SINHCAF: variants seen among roughly 807,000 people sequenced by gnomAD.
The protein encoded by SINHCAF is SIN3-HDAC complex-associated factor.
A neutral mutation model predicts 25.8 loss-of-function variants in SINHCAF; 3 were observed. That is an observed-to-expected ratio of 0.12 (90% CI 0.05 to 0.30). The LOEUF is 0.30. SINHCAF is among the 10% of genes least tolerant of loss of function. SINHCAF has a pLI of 1.00. For synonymous variants in SINHCAF, 70 were observed against 85.5 expected (o/e 0.82, Z 1.00); for missense variants, 121 against 262.3 (o/e 0.46, Z 3.72).
In SINHCAF at chr12:31,324,300, C is replaced by T; in HGVS notation, c.-21+1724G>A. 5.8e-6 allele frequency: 1 copy of T among 170,954 alleles called. No homozygotes were observed. The highest frequency in any genetic ancestry group is 1.2e-5 in the Non-Finnish European group (1 of 82,758). The allele number at this position is 170,954 out of a possible 1,614,324, so 10.6% of individuals were successfully genotyped here. On this transcript the variant is annotated intron_variant, in intron 1 of 5. Coordinates refer to ENST00000337682, the MANE Select transcript of SINHCAF (RefSeq NM_001135812.2). The surrounding 1 kb of genome is among the most constrained non-coding windows in gnomAD (Gnocchi z 5.5). ...AACAGTTCGACTTCAAAGGCGAACC[C>T]ACAGACCTCCCAGACACAGGCTCCC...
chr12:31,312,869 C>T (rs1939331079), intron 1 of SINHCAF, among the ~76,000 whole-genome samples: 1 of 152,186 alleles, frequency 6.6e-6, no homozygotes, highest in African/African-American at 2.4e-5. Context: ...CCATTATTAT[C>T]TTCCAGAAGT....
intron 1 of SINHCAF, among the ~76,000 whole-genome samples, chr12:31,323,177 A>G (rs1212576785): frequency 1.3e-5 from 2 of 152,172 alleles, no homozygotes; most frequent in African/African-American, 4.8e-5. Context: ...AGTCACGCAT[A>G]CCTTTCGCCT....
At chr12:31,321,455 C>T (rs914876245) in intron 1 of SINHCAF, among the ~76,000 whole-genome samples, 4 of 152,144 alleles carry the variant, frequency 2.6e-5, no homozygotes, top group South Asian at 2.1e-4. Flanking sequence ...TCCCCAGAAA[C>T]GATAACTGAC....
At chr12:31,314,263 C>CGA (rs1334346795) in intron 1 of SINHCAF, among the ~76,000 whole-genome samples, 1 of 151,972 alleles carries the variant, frequency 6.6e-6, no homozygotes, top group Non-Finnish European at 1.5e-5. Context: ...CAGTGGCTCA[C>CGA]GCCTGTAATC....
intron 1 of SINHCAF, among the ~76,000 whole-genome samples, chr12:31,308,876 C>T (rs1415603122): frequency 1.3e-5 from 2 of 152,100 alleles, no homozygotes; most frequent in South Asian, 4.2e-4. Flanking sequence ...ACCTATAATC[C>T]CAGCACTTTG....
At chr12:31,300,186 T>G (rs1938727871) in intron 1 of SINHCAF, among the ~76,000 whole-genome samples, 1 of 152,172 alleles carries the variant, frequency 6.6e-6, no homozygotes, top group South Asian at 2.1e-4. Context: ...ATTTTTTTGG[T>G]ATTGAGGGGT....
chr12:31,309,351 A>G (rs1565500423), intron 1 of SINHCAF, among the ~76,000 whole-genome samples: 1 of 152,142 alleles, frequency 6.6e-6, no homozygotes, highest in Non-Finnish European at 1.5e-5. Flanking sequence ...CTCTCAAGAT[A>G]ATCTCATGAT....
intron 1 of SINHCAF, chr12:31,323,926 G>A (rs1431494856): frequency 2.2e-6 from 1 of 455,322 alleles, no homozygotes; most frequent in South Asian, 1.6e-5. Context: ...GCTCCTCCCA[G>A]GGCCCTCGGG....
rs1161421477 is a variant in SINHCAF at position 31,325,076 on chromosome 12, C to A, written c.-21+948G>T. ...GTAGAGCACAAAAAGCAGTGCCCTG[C>A]GGAGTTCACTGACTCCCGCGGCGTA... is the stretch of plus-strand genomic sequence containing the variant. On this transcript the variant is annotated intron_variant, in intron 1 of 5. Coordinates refer to ENST00000337682, the MANE Select transcript of SINHCAF (RefSeq NM_001135812.2). The surrounding 1 kb of genome is among the most constrained non-coding windows in gnomAD (Gnocchi z 5.9). 1 of 456,802 alleles carries A rather than the reference C, an allele frequency of 2.2e-6. No homozygotes were observed. Among genetic ancestry groups the A allele is most frequent in the Non-Finnish European group, 4.4e-6 (1 of 226,980 alleles). The allele number at this position is 456,802 out of a possible 1,614,324, so 28.3% of individuals were successfully genotyped here.
At chr12:31,319,640 TCAC>T (rs1939623353) in intron 1 of SINHCAF, among the ~76,000 whole-genome samples, 1 of 152,214 alleles carries the variant, frequency 6.6e-6, no homozygotes, top group African/African-American at 2.4e-5. Flanking sequence ...TTCTTTTTAC[TCAC>T]CAATCTTTCT....
chr12:31,307,814 G>A (rs577886381), intron 1 of SINHCAF, among the ~76,000 whole-genome samples: 50 of 152,256 alleles, frequency 3.3e-4, no homozygotes, highest in Non-Finnish European at 5.4e-4. Context: ...CCATCCTCGA[G>A]TCATTGGATC....
At chr12:31,310,292 T>C (rs1015662427) in intron 1 of SINHCAF, among the ~76,000 whole-genome samples, 6 of 152,124 alleles carry the variant, frequency 3.9e-5, no homozygotes, top group Admixed American at 3.3e-4. Context: ...GGTTTTCAAG[T>C]AAGGTGGAAT....
In SINHCAF at chr12:31,282,634, A is replaced by T. The variant is rs1467227416; in HGVS notation, c.*78T>A. 1.1e-5 allele frequency: 14 copies of T among 1,245,422 alleles called. No individual in the cohort carries two copies. The African/African-American group carries it at 1.3e-4, about 11-fold the overall frequency. 77.1% of individuals were successfully genotyped at this position (1,245,422 alleles called of 1,614,324 possible). On this transcript the variant is annotated 3_prime_UTR_variant, in exon 6 of 6. Coordinates refer to ENST00000337682, the MANE Select transcript of SINHCAF (RefSeq NM_001135812.2). ...CAAAACTCCGTCTCAAAAAAAAAAG[A>T]GGGTCAGTTTGTAGCTTTGTGGTTT...
Position 31,293,907 on chromosome 12 carries a change from T to G in SINHCAF, c.253A>C (p.Ser85Arg). 1 of 1,613,020 alleles carries G rather than the reference T, an allele frequency of 6.2e-7. No individual in the cohort carries two copies. The highest frequency in any genetic ancestry group is 8.5e-7 in the Non-Finnish European group (1 of 1,179,402). The change falls in exon 4 of 6, where the codon AGT (serine) becomes CGT (arginine). Residue 85 changes from serine to arginine, a missense_variant. Coordinates refer to ENST00000337682, the MANE Select transcript of SINHCAF (RefSeq NM_001135812.2). The stretch of plus-strand genomic sequence containing the variant: ...TTTGGTTTCAATGTAGTCTTTAGAC[T>G]GGGTCCAGCCCTTGCATCTACCACC... ...NHVVDARAGP[S>R]LKTTLKPKKV...
At chr12:31,308,499 T>C (rs543187977) in intron 1 of SINHCAF, among the ~76,000 whole-genome samples, 27 of 152,204 alleles carry the variant, frequency 1.8e-4, no homozygotes, top group Non-Finnish European at 3.4e-4. Flanking sequence ...ATGTGCCACA[T>C]GTTTGACTTG....
chr12:31,313,854 T>C (rs1175461489), intron 1 of SINHCAF, among the ~76,000 whole-genome samples: 1 of 151,852 alleles, frequency 6.6e-6, no homozygotes, highest in Non-Finnish European at 1.5e-5. Flanking sequence ...TTCACCATAA[T>C]GACCAGGCTA....
intron 1 of SINHCAF, among the ~76,000 whole-genome samples, chr12:31,311,429 G>T (rs530235385): frequency 8.2e-4 from 125 of 152,302 alleles, no homozygotes; most frequent in Non-Finnish European, 1.3e-3. Context: ...AAGCAAATCC[G>T]ATCTTCATAA....
intron 1 of SINHCAF, among the ~76,000 whole-genome samples, chr12:31,313,217 C>CAG (rs149752594): frequency 0.055 from 8,322 of 151,918 alleles, 644 homozygotes; most frequent in African/African-American, 0.17. Context: ...TTAGTAGAGA[C>CAG]GGTTTCACCA....
chr12:31,293,898 T>A lies in SINHCAF; in HGVS notation c.262A>T (p.Thr88Ser). The A allele has an allele frequency of 6.2e-7, 1 of 1,613,162 alleles. No homozygotes were observed. Among genetic ancestry groups the A allele is most frequent in the Non-Finnish European group, 8.5e-7 (1 of 1,179,394 alleles). The change falls in exon 4 of 6, where the codon ACT (threonine) becomes TCT (serine). Residue 88 changes from threonine to serine, a missense_variant. Physicochemically the swap from Thr to Ser is moderately conservative, Grantham distance 58. Transcript: ENST00000337682. Reference sequence around the variant, plus strand: ...TTCACTTTCTTTGGTTTCAATGTAGTCTTTAGACTGGGTCCAGCCCTTGCA... The same window carrying A: ...TTCACTTTCTTTGGTTTCAATGTAGACTTTAGACTGGGTCCAGCCCTTGCA... Reference protein sequence around the residue: ...VDARAGPSLKTTLKPKKVKTL... With the variant: ...VDARAGPSLKSTLKPKKVKTL...
Sources: gnomAD v4.1 joint callset for allele counts (sites outside exome capture counted in the v4.1 genomes callset) on GRCh38, gnomAD v4.1.1 for gene constraint, Gnocchi (gnomAD v3.1) non-coding constraint, MANE v1.5 for transcripts, NCBI Gene and HGNC (gene_info 2026-07-23, HGNC 2026-07-21) for gene names.